The following MTHFD1L variants were observed in gnomAD, a reference collection of about 807,000 sequenced individuals.
MTHFD1L encodes monofunctional C1-tetrahydrofolate synthase, mitochondrial.
Under a neutral mutation model 119.5 loss-of-function variants are expected in MTHFD1L, and 81 were observed. The observed-to-expected ratio is 0.68, with a 90% confidence interval of 0.57 to 0.82. The LOEUF is 0.82. MTHFD1L is among the 40% of genes least tolerant of loss of function. The probability of loss-of-function intolerance (pLI) is 0.00; values close to 1 mark genes in which losing one functional copy is unlikely to be tolerated. For missense variants in MTHFD1L, 1,125 were observed against 1,253.4 expected (o/e 0.90, Z 1.55); for synonymous variants, 430 against 475.2 (o/e 0.90, Z 1.24).
At chr6:151,023,677 A>G (rs890638397) in intron 24 of MTHFD1L, among the ~76,000 whole-genome samples, 1 of 152,184 alleles carries the variant, frequency 6.6e-6, no homozygotes, top group Non-Finnish European at 1.5e-5. Context: ...TTATACTTAC[A>G]CATGTCACAA....
At chr6:150,956,402 A>G (rs1213913424) in intron 17 of MTHFD1L, among the ~76,000 whole-genome samples, 1 of 152,244 alleles carries the variant, frequency 6.6e-6, no homozygotes, top group African/African-American at 2.4e-5. Context: ...CTACATCTGC[A>G]TAACTGATAA....
At chr6:150,917,260 G>A (rs1203722067) in intron 8 of MTHFD1L, among the ~76,000 whole-genome samples, 2 of 151,868 alleles carry the variant, frequency 1.3e-5, no homozygotes, top group Non-Finnish European at 2.9e-5. Context: ...ATGGTGGCTC[G>A]CACCTATAAC....
At chr6:151,041,105 G>A (rs1027577210) in intron 26 of MTHFD1L, among the ~76,000 whole-genome samples, 4 of 152,190 alleles carry the variant, frequency 2.6e-5, no homozygotes, top group East Asian at 3.9e-4. Context: ...TGGAACAGTC[G>A]GGTGTGGGGC....
chr6:150,953,006 G>A (rs933301631), intron 16 of MTHFD1L, among the ~76,000 whole-genome samples: 6 of 152,088 alleles, frequency 3.9e-5, no homozygotes, highest in Non-Finnish European at 8.8e-5. Context: ...CTGCCTGTCC[G>A]AGCCCCGGGG....
chr6:150,881,302 T>G (rs1367788346), intron 4 of MTHFD1L, among the ~76,000 whole-genome samples: 1 of 152,214 alleles, frequency 6.6e-6, no homozygotes, highest in Non-Finnish European at 1.5e-5. Flanking sequence ...TTCTTCTGCA[T>G]GTGGATATCC....
chr6:150,922,374 G>T, intron 10 of MTHFD1L, 72 bp downstream of exon 10: 1 of 1,189,778 alleles, frequency 8.4e-7, no homozygotes, highest in Non-Finnish European at 1.2e-6. Context: ...TCATGGGGGA[G>T]AAGCACAACT....
rs562283052 is a variant in MTHFD1L at position 150,951,033 on chromosome 6, G to GTTTTTTTTTTT, written c.1726+1910_1726+1911insTTTTTTTTTTT. Reference sequence around the variant, plus strand: ...CTAAAATCTCCTTGGAAACTTTATGGTTTTTTTTTTGTTTTTTTTTTGAGA... The same window carrying GTTTTTTTTTTT: ...CTAAAATCTCCTTGGAAACTTTATGGTTTTTTTTTTTTTTTTTTTTTGTTTTTTTTTTGAGA... On this transcript the variant is annotated intron_variant, in intron 16 of 27. Coordinates refer to ENST00000367321, the MANE Select transcript of MTHFD1L (RefSeq NM_015440.5). 1.6e-5 allele frequency among the ~76,000 whole-genome samples: 2 copies of GTTTTTTTTTTT among 125,924 alleles called. 1 individual carries two copies. 82.6% of individuals were successfully genotyped at this position (125,924 alleles called of 152,430 possible). A position where few individuals can be genotyped will look rare whatever the true frequency, so the allele number is the denominator to read the frequency against.
At chr6:150,963,487 G>T (rs56944770) in intron 18 of MTHFD1L, among the ~76,000 whole-genome samples, 1 of 146,576 alleles carries the variant, frequency 6.8e-6, no homozygotes, top group Non-Finnish European at 1.5e-5. Context: ...AATACATACA[G>T]TTTTATCTGT....
intron 9 of MTHFD1L, among the ~76,000 whole-genome samples, chr6:150,921,112 G>A (rs1202746578): frequency 1.4e-5 from 2 of 142,412 alleles, no homozygotes; most frequent in Non-Finnish European, 1.5e-5. Context: ...CCACCACCAC[G>A]CCCGGCTAAT....
Position 150,960,369 on chromosome 6 carries a change from T to C in MTHFD1L, c.1898T>C (p.Val633Ala). Residue 633 changes from valine to alanine, a missense_variant, in exon 18 of 28, where the codon GTG becomes GCG. By Grantham distance (64) the Val-to-Ala change is moderately conservative. Coordinates refer to ENST00000367321, the MANE Select transcript of MTHFD1L (RefSeq NM_015440.5). ...ATGAAGGCACGGCTGGGAAGGATGGTGGTGGCCAGTGACAAAAGCGGGCAG... is the reference window on the plus strand; with the variant it reads ...ATGAAGGCACGGCTGGGAAGGATGGCGGTGGCCAGTGACAAAAGCGGGCAG... Reference protein sequence around the residue: ...ADMKARLGRMVVASDKSGQPV... With the variant: ...ADMKARLGRMAVASDKSGQPV... 6.2e-7 allele frequency: 1 copy of C among 1,613,690 alleles called. No individual in the cohort carries two copies.
At chr6:151,029,358 T>C (rs1785022731) in intron 24 of MTHFD1L, among the ~76,000 whole-genome samples, 2 of 151,324 alleles carry the variant, frequency 1.3e-5, no homozygotes, top group South Asian at 4.2e-4. Context: ...AAGGCAGAGG[T>C]TACCGTGAGC....
chr6:150,943,566 A>G (rs1292203242), intron 13 of MTHFD1L, among the ~76,000 whole-genome samples: 1 of 152,226 alleles, frequency 6.6e-6, no homozygotes, highest in Non-Finnish European at 1.5e-5. Flanking sequence ...TTTTTTAATA[A>G]AAGGAAAAGC....
At chr6:150,947,160 C>G (rs991852290) in intron 15 of MTHFD1L, among the ~76,000 whole-genome samples, 2 of 150,560 alleles carry the variant, frequency 1.3e-5, no homozygotes, top group East Asian at 2.1e-4. Context: ...TGCAATGGCA[C>G]GATCTCGGCT....
intron 16 of MTHFD1L, 90 bp downstream of exon 16, chr6:150,949,223 A>C (rs1309153427): frequency 4.9e-6 from 5 of 1,014,160 alleles, no homozygotes; most frequent in Non-Finnish European, 7.6e-6. Flanking sequence ...TTACAGTTTG[A>C]TCCTGTCCAG....
In MTHFD1L at chr6:150,885,408, C is replaced by G. The variant is rs142296686; in HGVS notation, c.543-226C>G. Among the ~76,000 whole-genome samples the G allele has an allele frequency of 7.8e-3, 1,188 of 152,246 alleles. 17 individuals carry two copies. Among genetic ancestry groups the G allele is most frequent in the African/African-American group, 0.027 (1,137 of 41,532 alleles). On this transcript the variant is annotated intron_variant, in intron 5 of 27. Transcript: ENST00000367321. The stretch of plus-strand genomic sequence containing the variant: ...TTGAGGTTTCGCCATGTTGGCCAGG[C>G]TAGTCTCGAGCTCCTGACCTCATGT...
chr6:151,043,067 G>A (rs1787375430), intron 26 of MTHFD1L, among the ~76,000 whole-genome samples: 1 of 152,200 alleles, frequency 6.6e-6, no homozygotes, highest in Admixed American at 6.5e-5. Context: ...GGCCATAAGA[G>A]CTAGAACGTT....
chr6:151,001,981 A>G (rs984297852), intron 20 of MTHFD1L, among the ~76,000 whole-genome samples: 2 of 152,190 alleles, frequency 1.3e-5, no homozygotes, highest in Admixed American at 1.3e-4. Context: ...AACATTCTAG[A>G]TTGCATACTT....
At chr6:150,886,435 CAAAAAAAAAAAAAAA>C (rs996165446) in intron 6 of MTHFD1L, among the ~76,000 whole-genome samples, 21 of 69,638 alleles carry the variant, frequency 3.0e-4, no homozygotes, top group Admixed American at 9.7e-4. Flanking sequence ...GACCCTGCCT[CAAAAAAAAAAAAAAA>C]AAAAAAAAGA....
In MTHFD1L at chr6:151,043,514, C is replaced by T. The variant is rs193061734; in HGVS notation, c.2847+6397C>T. On this transcript the variant is annotated intron_variant, in intron 26 of 27. Transcript: ENST00000367321. ...ACTCCTGACCTCAAGTAAGCCACTG[C>T]GCCCGGCCATCTCTCACAGTGTTTT... Among the ~76,000 whole-genome samples the T allele has an allele frequency of 1.2e-4, 18 of 152,130 alleles. No individual in the cohort carries two copies. The East Asian group carries it at 2.7e-3, about 23-fold the overall frequency.
Sources: gnomAD v4.1 joint callset for allele counts (sites outside exome capture counted in the v4.1 genomes callset) on GRCh38, gnomAD v4.1.1 for gene constraint, MANE v1.5 for transcripts, NCBI Gene and HGNC (gene_info 2026-07-23, HGNC 2026-07-21) for gene names.